The following NTM variants were observed in gnomAD, a reference collection of about 807,000 sequenced individuals.
NTM encodes IgLON family member 2.
NTM carries 13 observed loss-of-function variants against 42.1 expected under a neutral mutation model. The ratio of observed to expected loss-of-function variants is 0.31; its 90% CI spans 0.20 to 0.49. NTM has a LOEUF of 0.49. Among genes scored for constraint, NTM ranks in the 20% least tolerant of loss-of-function variants. The pLI, the probability that NTM is intolerant of heterozygous loss-of-function variation, is 0.99. For missense variants in NTM, 373 were observed against 452.8 expected, an observed-to-expected ratio of 0.82 and a Z score of 1.60; for synonymous variants, 187 against 179.2, an observed-to-expected ratio of 1.04 and a Z score of -0.35.
chr11:131,889,373 C>A (rs962006639), intron 1 of NTM, among the ~76,000 whole-genome samples: 3 of 152,202 alleles, frequency 2.0e-5, no homozygotes, highest in African/African-American at 7.2e-5. Context: ...TGGCCACACC[C>A]CAGCCCATAC....
At chr11:131,925,326 TAAAGAG>T (rs1196573289) in intron 2 of NTM, among the ~76,000 whole-genome samples, 2 of 151,864 alleles carry the variant, frequency 1.3e-5, no homozygotes, top group African/African-American at 4.8e-5. Context: ...TCAAAAATGT[TAAAGAG>T]AAAGAAGAGA....
intron 1 of NTM, among the ~76,000 whole-genome samples, chr11:131,420,263 A>T (rs1480800751): frequency 1.3e-5 from 2 of 152,292 alleles, no homozygotes; most frequent in African/African-American, 4.8e-5. Context: ...CAAAGGCAGG[A>T]GCAGGAGACC....
At chr11:131,656,253 C>T (rs562278965) in intron 1 of NTM, among the ~76,000 whole-genome samples, 1 of 152,366 alleles carries the variant, frequency 6.6e-6, no homozygotes, top group African/African-American at 2.4e-5. Context: ...CTCCATACCA[C>T]CACCATCCCA....
chr11:131,390,614 G>A (rs775628637), intron 1 of NTM, among the ~76,000 whole-genome samples: 1 of 152,126 alleles, frequency 6.6e-6, no homozygotes, highest in South Asian at 2.1e-4. Context: ...GCTCCAACTC[G>A]ATGGGCTAGA....
chr11:131,892,232 A>G (rs1334761828), intron 1 of NTM, among the ~76,000 whole-genome samples: 1 of 152,072 alleles, frequency 6.6e-6, no homozygotes, highest in Non-Finnish European at 1.5e-5. Flanking sequence ...CAAATGGGAC[A>G]TGGTTCTGCT....
chr11:131,813,820 G>A lies in NTM; in HGVS notation c.83-97744G>A, dbSNP rs570010367. On this transcript the variant is annotated intron_variant, in intron 1 of 8. Transcript: ENST00000683400. ...AGAACCTCTAAAATGACAGAGACCCGGGTTCTAACTTCATCTTTACCATCT... is the reference window on the plus strand; with the variant it reads ...AGAACCTCTAAAATGACAGAGACCCAGGTTCTAACTTCATCTTTACCATCT... Among the ~76,000 whole-genome samples the A allele has an allele frequency of 9.3e-5, 14 of 151,260 alleles. No homozygotes were observed. In the East Asian group the frequency reaches 1.2e-3, roughly 13 times the overall value.
At chr11:131,561,759 C>T (rs926241324) in intron 1 of NTM, among the ~76,000 whole-genome samples, 1 of 152,172 alleles carries the variant, frequency 6.6e-6, no homozygotes, top group African/African-American at 2.4e-5. Flanking sequence ...TTTCCTGGCC[C>T]GAGAAAGCCT....
intron 4 of NTM, chr11:132,284,361 C>T (rs912557518): frequency 1.3e-5 from 2 of 152,314 alleles, no homozygotes; most frequent in Admixed American, 6.5e-5. Flanking sequence ...TGTAGAAGGT[C>T]GCCTTCTCCC....
intron 1 of NTM, among the ~76,000 whole-genome samples, chr11:131,616,207 C>A (rs112960982): frequency 1.1e-4 from 16 of 152,314 alleles, no homozygotes; most frequent in Admixed American, 3.9e-4. Context: ...GCATCCTCTG[C>A]GCAGCACTGG....
rs552506593 is a variant in NTM, at chr11:132,163,642, C to T, written c.400+17128C>T. 2.0e-5 allele frequency among the ~76,000 whole-genome samples: 3 copies of T among 152,298 alleles called. No individual in the cohort carries two copies. In the South Asian group the frequency reaches 6.2e-4, roughly 32 times the overall value. On this transcript the variant is annotated intron_variant, in intron 3 of 8. Transcript: ENST00000683400. ...AAGTCTGACTCTTCACAGCCTCCCT[C>T]AAACACTAAGCTTCCCCTTATGAGC... is the stretch of plus-strand genomic sequence containing the variant.
At chr11:132,116,464 A>G (rs1490099238) in intron 2 of NTM, among the ~76,000 whole-genome samples, 1 of 152,222 alleles carries the variant, frequency 6.6e-6, no homozygotes, top group African/African-American at 2.4e-5. Context: ...CAGTTTCTGG[A>G]TACAGAGCAA....
chr11:132,294,024 A>G (rs560689279), intron 4 of NTM, among the ~76,000 whole-genome samples: 1 of 152,300 alleles, frequency 6.6e-6, no homozygotes, highest in Admixed American at 6.5e-5. Flanking sequence ...GGGTCTTCAA[A>G]GCACCATGGG....
intron 3 of NTM, among the ~76,000 whole-genome samples, chr11:132,171,982 A>G (rs1480691929): frequency 6.6e-6 from 1 of 152,154 alleles, no homozygotes; most frequent in Non-Finnish European, 1.5e-5. Context: ...TTCATTTCCC[A>G]TGTGGCCTTG....
At chr11:131,923,735 T>C (rs566307804) in intron 2 of NTM, among the ~76,000 whole-genome samples, 1 of 152,322 alleles carries the variant, frequency 6.6e-6, no homozygotes, top group Admixed American at 6.5e-5. Context: ...GCCTGAAGTT[T>C]CACGCGTCAT....
At chr11:131,389,184 G>A (rs915987126) in intron 1 of NTM, among the ~76,000 whole-genome samples, 10 of 152,182 alleles carry the variant, frequency 6.6e-5, no homozygotes, top group Non-Finnish European at 1.3e-4. Context: ...CGCTCTAGGA[G>A]GTTGAGCTCC....
At chr11:132,249,652 C>T (rs902249098) in intron 4 of NTM, among the ~76,000 whole-genome samples, 1 of 152,140 alleles carries the variant, frequency 6.6e-6, no homozygotes, top group African/African-American at 2.4e-5. Context: ...TTCTTAAAAC[C>T]ATGTACAACT....
chr11:132,285,542 G>A (rs760128800), intron 4 of NTM, among the ~76,000 whole-genome samples: 1 of 152,154 alleles, frequency 6.6e-6, no homozygotes. Context: ...CTGTTCAGGA[G>A]CACCCAGATT....
intron 1 of NTM, among the ~76,000 whole-genome samples, chr11:131,518,009 T>G (rs2049116537): frequency 6.6e-6 from 1 of 152,248 alleles, no homozygotes; most frequent in Non-Finnish European, 1.5e-5. Flanking sequence ...GTCTCTCATT[T>G]GTATTCCATT....
At chr11:131,623,690 GT>G (rs2062807120) in intron 1 of NTM, among the ~76,000 whole-genome samples, 1 of 152,208 alleles carries the variant, frequency 6.6e-6, no homozygotes, top group Non-Finnish European at 1.5e-5. Context: ...CCCGCAGATG[GT>G]TTTGGGCTCC....
Sources: allele counts gnomAD v4.1 joint callset (sites outside exome capture counted in the v4.1 genomes callset), GRCh38; gene constraint gnomAD v4.1.1; transcripts MANE v1.5; gene names NCBI Gene and HGNC (gene_info 2026-07-23, HGNC 2026-07-21).